The following PSD3 variants were observed in gnomAD, a reference collection of about 807,000 sequenced individuals.
PSD3 encodes PH and SEC7 domain-containing protein 3.
Under a neutral mutation model 105.5 loss-of-function variants are expected in PSD3, and 49 were observed. The observed-to-expected ratio is 0.46, with a 90% CI of 0.37 to 0.59. The LOEUF is 0.59. Among genes scored for constraint, PSD3 ranks in the 20% least tolerant of loss-of-function variants. The probability of loss-of-function intolerance (pLI) is 0.00; values close to 1 mark genes in which losing one functional copy is unlikely to be tolerated. For synonymous variants in PSD3, 557 were observed against 457.8 expected (o/e 1.22, Z -2.77); for missense variants, 1,561 against 1,263.8 (o/e 1.24, Z -3.57).
chr8:18,741,210 G>C (rs932714533), intron 9 of PSD3, among the ~76,000 whole-genome samples: 2 of 152,206 alleles, frequency 1.3e-5, no homozygotes, highest in Non-Finnish European at 2.9e-5. Context: ...AACGAGCGAA[G>C]CATGTGACAC....
chr8:18,624,838 C>A (rs1276407781), intron 11 of PSD3, among the ~76,000 whole-genome samples: 5 of 151,570 alleles, frequency 3.3e-5, no homozygotes, highest in African/African-American at 1.2e-4. Flanking sequence ...AAAGTCTTTA[C>A]TTTTAGTGTA....
intron 9 of PSD3, among the ~76,000 whole-genome samples, chr8:18,658,715 T>A (rs1364328694): frequency 6.6e-6 from 1 of 152,094 alleles, no homozygotes; most frequent in African/African-American, 2.4e-5. Context: ...ATGAAAATCC[T>A]ACAGATTAGT....
At chr8:18,907,645 C>T (rs1313202384) in intron 2 of PSD3, among the ~76,000 whole-genome samples, 1 of 152,208 alleles carries the variant, frequency 6.6e-6, no homozygotes, top group Admixed American at 6.5e-5. Flanking sequence ...AGGTGTGTCT[C>T]ATATACCATA....
At chr8:18,926,259 T>C (rs987019420) in intron 2 of PSD3, among the ~76,000 whole-genome samples, 7 of 152,016 alleles carry the variant, frequency 4.6e-5, no homozygotes, top group Non-Finnish European at 8.8e-5. Context: ...TAGTGACCTC[T>C]GCATTCTGAT....
chr8:18,535,618 A>G lies in PSD3; in HGVS notation c.*125T>C. ...GAAACTAACAAAAATATACAATAGA[A>G]AAAATTACTAATGCACCGTTTTGTC... is the stretch of plus-strand genomic sequence containing the variant. On this transcript the variant is annotated 3_prime_UTR_variant, in exon 16 of 16. Transcript: ENST00000327040. 5.1e-6 allele frequency: 4 copies of G among 787,402 alleles called. No homozygotes were observed. The South Asian group carries it at 7.2e-5, about 14-fold the overall frequency. The allele number at this position is 787,402 out of a possible 1,614,324, so 48.8% of individuals were successfully genotyped here. A position where few individuals can be genotyped will look rare whatever the true frequency, so the allele number is the denominator to read the frequency against.
chr8:18,928,189 A>T (rs1369520395), intron 2 of PSD3, among the ~76,000 whole-genome samples: 2 of 152,190 alleles, frequency 1.3e-5, no homozygotes, highest in East Asian at 3.9e-4. Flanking sequence ...GAGATAATGG[A>T]ATCATGCGGG....
intron 4 of PSD3, among the ~76,000 whole-genome samples, chr8:18,816,439 T>C (rs1369684192): frequency 2.6e-5 from 4 of 152,222 alleles, no homozygotes; most frequent in African/African-American, 4.8e-5. Flanking sequence ...TAATAAGCTA[T>C]GTGGCTTTCT....
At position 18,632,751 on chromosome 8, in the gene PSD3, C is replaced by T; in HGVS notation, c.2272G>A (p.Gly758Arg). 3.1e-6 allele frequency: 5 copies of T among 1,606,112 alleles called. No homozygotes were observed. The highest frequency in any genetic ancestry group is 4.3e-6 in the Non-Finnish European group (5 of 1,173,462). ...PSESTEEKAN[G>R]THPKTISRIG... ...CGACTGATGGTCTTTGGATGTGTTC[C>T]GTTAGCTTTCTCCTCAGTACTTTCT... Residue 758 changes from glycine to arginine, a missense_variant, in exon 11 of 16, where the codon GGA (glycine) becomes AGA (arginine). Gly to Arg is a moderately radical substitution (Grantham distance 125). Coordinates refer to ENST00000327040, the MANE Select transcript of PSD3 (RefSeq NM_015310.4).
chr8:18,753,877 G>A (rs1009483063), intron 9 of PSD3, among the ~76,000 whole-genome samples: 3 of 152,054 alleles, frequency 2.0e-5, no homozygotes, highest in African/African-American at 7.2e-5. Flanking sequence ...ATTCTGAGAG[G>A]CTACTGACGA....
chr8:18,600,237 T>C, intron 12 of PSD3, 127 bp downstream of exon 12: 1 of 884,156 alleles, frequency 1.1e-6, no homozygotes, highest in Admixed American at 2.8e-5. Context: ...TGAAAATTTT[T>C]TAACATCAGC....
At chr8:18,810,078 A>T (rs990952296) in intron 4 of PSD3, among the ~76,000 whole-genome samples, 1 of 152,116 alleles carries the variant, frequency 6.6e-6, no homozygotes, top group African/African-American at 2.4e-5. Context: ...AACCACACAA[A>T]TACAAGCTGT....
intron 2 of PSD3, among the ~76,000 whole-genome samples, chr8:18,901,617 C>A (rs1819507818): frequency 6.6e-6 from 1 of 152,098 alleles, no homozygotes; most frequent in Admixed American, 6.6e-5. Flanking sequence ...TCTGCTCCAC[C>A]AGTGAGTTTT....
chr8:18,620,865 A>G (rs1806063164), intron 11 of PSD3, among the ~76,000 whole-genome samples: 1 of 152,266 alleles, frequency 6.6e-6, no homozygotes, highest in African/African-American at 2.4e-5. Context: ...AGATTATTAA[A>G]GAATTTGACA....
chr8:19,016,906 G>A (rs1226780697), upstream of PSD3, among the ~76,000 whole-genome samples: 4 of 152,096 alleles, frequency 2.6e-5, no homozygotes, highest in Non-Finnish European at 5.9e-5. Context: ...CAGCATTCAT[G>A]AGAGCAGAGC....
At chr8:18,953,112 G>C (rs1001931953) in intron 1 of PSD3, among the ~76,000 whole-genome samples, 1 of 152,098 alleles carries the variant, frequency 6.6e-6, no homozygotes, top group Admixed American at 6.6e-5. Flanking sequence ...CACATTAAAT[G>C]ATCTTCAACC....
chr8:19,011,935 C>T (rs1826971163), intron 1 of PSD3, among the ~76,000 whole-genome samples: 1 of 152,162 alleles, frequency 6.6e-6, no homozygotes, highest in African/African-American at 2.4e-5. Flanking sequence ...ATTAAGAGTA[C>T]ATCACTGAAT....
chr8:18,939,539 G>A (rs1250706462), intron 1 of PSD3, among the ~76,000 whole-genome samples: 2 of 149,922 alleles, frequency 1.3e-5, no homozygotes, highest in Non-Finnish European at 3.0e-5. Context: ...TTAGAGATGG[G>A]ATCTAGATAT....
chr8:18,840,211 C>CA (rs1265788692), intron 4 of PSD3, among the ~76,000 whole-genome samples: 1 of 152,152 alleles, frequency 6.6e-6, no homozygotes, highest in Non-Finnish European at 1.5e-5. Context: ...ATGTCCCCCC[C>CA]ACATCATTCT....
chr8:19,082,635 C>T (rs1188702148), intron 1 of PSD3, among the ~76,000 whole-genome samples: 1 of 152,198 alleles, frequency 6.6e-6, no homozygotes. Flanking sequence ...TCCCAAAGTG[C>T]CTCTTCCCAG....
Sources: allele counts gnomAD v4.1 joint callset (sites outside exome capture counted in the v4.1 genomes callset), GRCh38; gene constraint gnomAD v4.1.1; transcripts MANE v1.5; gene names NCBI Gene and HGNC (gene_info 2026-07-23, HGNC 2026-07-21).